The following ATP8A2 variants were observed in gnomAD, a reference collection of about 807,000 sequenced individuals.
The protein encoded by ATP8A2 is phospholipid-transporting ATPase IB.
A neutral mutation model predicts 165.6 loss-of-function variants in ATP8A2; 100 were observed. That is an observed-to-expected ratio of 0.60 (90% CI 0.51 to 0.71). The LOEUF is 0.71. ATP8A2 is among the 30% of genes least tolerant of loss of function. The pLI, the probability that ATP8A2 is intolerant of heterozygous loss-of-function variation, is 0.00. For missense variants in ATP8A2, 1,227 were observed against 1,479.5 expected (o/e 0.83, Z 2.80); for synonymous variants, 543 against 548.8 (o/e 0.99, Z 0.15).
chr13:25,942,328 A>G (rs1955092682), intron 33 of ATP8A2, among the ~76,000 whole-genome samples: 2 of 152,370 alleles, frequency 1.3e-5, no homozygotes, highest in Admixed American at 6.5e-5. Context: ...AATGAAATGC[A>G]CATTGCAAAT....
chr13:25,647,183 A>G (rs958515421), intron 24 of ATP8A2, among the ~76,000 whole-genome samples: 3 of 152,248 alleles, frequency 2.0e-5, no homozygotes, highest in African/African-American at 7.2e-5. Flanking sequence ...TATTCTGAAT[A>G]TAGCTCTGTA....
At chr13:25,726,526 C>T (rs1027465611) in intron 25 of ATP8A2, among the ~76,000 whole-genome samples, 2 of 152,020 alleles carry the variant, frequency 1.3e-5, no homozygotes, top group African/African-American at 4.8e-5. Context: ...CGGCTTGTGG[C>T]CCCTTCTCTC....
At chr13:25,680,582 G>A (rs922415733) in intron 24 of ATP8A2, among the ~76,000 whole-genome samples, 2 of 152,196 alleles carry the variant, frequency 1.3e-5, no homozygotes, top group African/African-American at 4.8e-5. Context: ...GGAGACCAGG[G>A]TGGTAGAATC....
At chr13:25,887,737 T>G (rs1156782859) in intron 33 of ATP8A2, among the ~76,000 whole-genome samples, 1 of 152,180 alleles carries the variant, frequency 6.6e-6, no homozygotes, top group African/African-American at 2.4e-5. Context: ...CTGAGCCAGG[T>G]GCTTTCTTTA....
At position 25,576,986 on chromosome 13, in the gene ATP8A2, C is replaced by T. The variant is rs1289981095; in HGVS notation, c.1713-83C>T. 5 of 1,130,900 alleles carry T rather than the reference C, an allele frequency of 4.4e-6. No individual in the cohort carries two copies. The African/African-American group carries it at 7.7e-5, about 18-fold the overall frequency. 70.1% of individuals were successfully genotyped at this position (1,130,900 alleles called of 1,614,324 possible). On this transcript the variant is annotated intron_variant, in intron 19 of 36. Transcript: ENST00000381655. ...TTCATTTTTAGGAACCCCAGACCCC[C>T]TTTTGTTTTGATTGGTGTTCAGCTG...
chr13:25,512,925 T>C (rs2037302339), intron 2 of ATP8A2, among the ~76,000 whole-genome samples: 1 of 123,524 alleles, frequency 8.1e-6, no homozygotes, highest in Admixed American at 8.0e-5. Flanking sequence ...CCCCCCCACC[T>C]CCCTCCCGGA....
At chr13:25,383,443 G>T (rs2032927843) in intron 1 of ATP8A2, among the ~76,000 whole-genome samples, 1 of 152,092 alleles carries the variant, frequency 6.6e-6, no homozygotes, top group South Asian at 2.1e-4. Flanking sequence ...AGTTTGAAGA[G>T]TTCTTTGTAT....
At chr13:25,939,548 G>A (rs1280768467) in intron 33 of ATP8A2, among the ~76,000 whole-genome samples, 2 of 151,978 alleles carry the variant, frequency 1.3e-5, no homozygotes, top group African/African-American at 4.8e-5. Context: ...TCTTCTTCCT[G>A]ACTTTCGCCA....
intron 24 of ATP8A2, among the ~76,000 whole-genome samples, chr13:25,599,644 A>T (rs2040329607): frequency 6.6e-6 from 1 of 152,204 alleles, no homozygotes; most frequent in Admixed American, 6.5e-5. Context: ...GTGTGTGGCC[A>T]GTTATCTCTG....
chr13:25,539,179 T>A lies in ATP8A2; in HGVS notation c.581+1118T>A, dbSNP rs1309937370. Among the ~76,000 whole-genome samples, 4 of 151,504 alleles carry A rather than the reference T, an allele frequency of 2.6e-5. No homozygotes were observed. In the East Asian group the frequency reaches 7.8e-4, roughly 30 times the overall value. On this transcript the variant is annotated intron_variant, in intron 7 of 36. Coordinates refer to ENST00000381655, the MANE Select transcript of ATP8A2 (RefSeq NM_016529.6). The stretch of plus-strand genomic sequence containing the variant: ...TGGCTCAATCATAGCTCACTGTAAG[T>A]TCAAACTCCTGGGCTCAAGTGATCC...
At chr13:26,004,982 G>A (rs1201440842) in intron 35 of ATP8A2, among the ~76,000 whole-genome samples, 1 of 151,922 alleles carries the variant, frequency 6.6e-6, no homozygotes, top group Non-Finnish European at 1.5e-5. Context: ...TTGGTATCAG[G>A]GTAATGCTGA....
At chr13:25,481,568 G>C (rs997053946) in intron 2 of ATP8A2, among the ~76,000 whole-genome samples, 11 of 152,216 alleles carry the variant, frequency 7.2e-5, no homozygotes, top group African/African-American at 2.7e-4. Flanking sequence ...ATGTGTAGTA[G>C]TAAGGAGAGA....
chr13:25,931,821 C>T (rs549837227), intron 33 of ATP8A2, among the ~76,000 whole-genome samples: 10 of 151,882 alleles, frequency 6.6e-5, no homozygotes, highest in African/African-American at 9.7e-5. Context: ...CCGAGGCGGG[C>T]GTTTCACCTG....
chr13:25,611,344 T>G (rs2138437125), intron 24 of ATP8A2, among the ~76,000 whole-genome samples: 1 of 152,264 alleles, frequency 6.6e-6, no homozygotes, highest in South Asian at 2.1e-4. Context: ...GCTGAGGGTT[T>G]TAATCATAAA....
chr13:25,757,038 C>T lies in ATP8A2; in HGVS notation c.2385-12008C>T, dbSNP rs571262405. Among the ~76,000 whole-genome samples, 3 of 152,258 alleles carry T rather than the reference C, an allele frequency of 2.0e-5. No homozygotes were observed. In the South Asian group the frequency reaches 6.2e-4, roughly 32 times the overall value. On this transcript the variant is annotated intron_variant, in intron 25 of 36. Coordinates refer to ENST00000381655, the MANE Select transcript of ATP8A2 (RefSeq NM_016529.6). ...CCCTCATTAATATGTTCACACATTG[C>T]CAACGCCTGAGTTCTTTTCTCCTTC... is the stretch of plus-strand genomic sequence containing the variant.
rs570429504 is a variant in ATP8A2 at position 25,857,400 on chromosome 13, G to C, written c.2957-2795G>C. On this transcript the variant is annotated intron_variant, in intron 30 of 36. Coordinates refer to ENST00000381655, the MANE Select transcript of ATP8A2 (RefSeq NM_016529.6). The stretch of plus-strand genomic sequence containing the variant: ...TTATTCTTATTTTTTATTAAGACAG[G>C]GTCTTACACTGTCACCCAGGCTGGA... Among the ~76,000 whole-genome samples, 9 of 151,846 alleles carry C rather than the reference G, an allele frequency of 5.9e-5. No individual in the cohort carries two copies. The East Asian group carries it at 1.2e-3, about 20-fold the overall frequency.
At chr13:25,429,362 A>G (rs1358730086) in intron 1 of ATP8A2, among the ~76,000 whole-genome samples, 5 of 121,546 alleles carry the variant, frequency 4.1e-5, no homozygotes, top group Non-Finnish European at 6.8e-5. Flanking sequence ...TAACAGTGTG[A>G]CTCCATCTTA....
chr13:25,972,306 CA>C (rs1181445970), intron 35 of ATP8A2, among the ~76,000 whole-genome samples: 4 of 152,170 alleles, frequency 2.6e-5, no homozygotes, highest in Admixed American at 2.6e-4. Context: ...TGCACTTTCT[CA>C]TTAGTAGATC....
At chr13:25,843,770 A>G (rs368011899) in intron 30 of ATP8A2, among the ~76,000 whole-genome samples, 2 of 152,264 alleles carry the variant, frequency 1.3e-5, no homozygotes, top group African/African-American at 4.8e-5. Context: ...CAATCAAAAC[A>G]CATCTCTACA....
Sources: gnomAD v4.1 joint callset for allele counts (sites outside exome capture counted in the v4.1 genomes callset) on GRCh38, gnomAD v4.1.1 for gene constraint, MANE v1.5 for transcripts, NCBI Gene and HGNC (gene_info 2026-07-23, HGNC 2026-07-21) for gene names.